Variants in ABHD5 observed in about 807,000 individuals in gnomAD.
ABHD5 encodes the protein 1-acylglycerol-3-phosphate O-acyltransferase ABHD5.
In ABHD5, 30 loss-of-function variants were observed where a neutral mutation model predicts 44.9. The observed-to-expected ratio is 0.67, with a 90% confidence interval of 0.50 to 0.91. The LOEUF is 0.91. Ranked by LOEUF, ABHD5 falls within the 40% of genes least tolerant of loss-of-function variation. ABHD5 has a pLI of 0.00. For synonymous variants in ABHD5, 167 were observed against 147.0 expected, an observed-to-expected ratio of 1.14 and a Z score of -0.99; for missense variants, 399 against 423.4, an observed-to-expected ratio of 0.94 and a Z score of 0.50.
chr3:43,696,893 A>G (rs960951172), intron 1 of ABHD5, among the ~76,000 whole-genome samples: 19 of 152,040 alleles, frequency 1.2e-4, no homozygotes, highest in Admixed American at 1.2e-3. Context: ...TTCTGTTAGA[A>G]AAAAACCCAC....
At chr3:43,709,512 A>AGAGCAGACT (rs145305972) in intron 3 of ABHD5, among the ~76,000 whole-genome samples, 13,022 of 152,272 alleles carry the variant, frequency 0.086, 758 homozygotes, top group South Asian at 0.21. Flanking sequence ...GAAAGAGCTT[A>AGAGCAGACT]GAGCAAGATC....
At chr3:43,703,385 G>T (rs1045992342) in intron 3 of ABHD5, among the ~76,000 whole-genome samples, 23 of 152,038 alleles carry the variant, frequency 1.5e-4, no homozygotes, top group African/African-American at 4.8e-4. Flanking sequence ...CGCCATGTTC[G>T]CCAGGCTGGT....
At chr3:43,693,266 C>T (rs1254746638) in intron 1 of ABHD5, among the ~76,000 whole-genome samples, 2 of 152,150 alleles carry the variant, frequency 1.3e-5, no homozygotes, top group African/African-American at 2.4e-5. Context: ...AGGAATTTTG[C>T]CAACGGTTGG....
In ABHD5 at chr3:43,690,942, G is replaced by C. The variant is rs1399819007; in HGVS notation, c.-51G>C. ...CGCGCCAGCCCGGGGCGGCCCAGTC[G>C]GCCTGTCAGCCGGCTTCGAGATAAG... On this transcript the variant is annotated 5_prime_UTR_variant, in exon 1 of 7. Coordinates refer to ENST00000644371, the MANE Select transcript of ABHD5 (RefSeq NM_016006.6). 1 of 1,539,674 alleles carries C rather than the reference G, an allele frequency of 6.5e-7. No individual in the cohort carries two copies. The highest frequency in any genetic ancestry group is 1.2e-5 in the South Asian group (1 of 83,884).
chr3:43,718,409 C>T (rs750120544), intron 6 of ABHD5, 34 bp from the exon 7 acceptor site: 4 of 1,554,062 alleles, frequency 2.6e-6, no homozygotes, highest in East Asian at 2.2e-5. Context: ...AATGCTTTTA[C>T]TCACTAACTG....
intron 1 of ABHD5, 75 bp from the exon 2 acceptor site, chr3:43,699,201 T>G (rs985044738): frequency 3.1e-6 from 4 of 1,308,166 alleles, no homozygotes; most frequent in Non-Finnish European, 4.4e-6. Flanking sequence ...GCTGCCTTTC[T>G]TCTGTGCATG....
intron 3 of ABHD5, among the ~76,000 whole-genome samples, chr3:43,708,129 A>G (rs1290885476): frequency 6.6e-6 from 1 of 152,222 alleles, no homozygotes; most frequent in African/African-American, 2.4e-5. Flanking sequence ...CTAATGACTA[A>G]CATTAAGAAG....
In ABHD5 at chr3:43,720,529, A is replaced by G. The variant is rs1046062726; in HGVS notation, c.*1997A>G. ...GTTAGATTTTACCCTGAGGTATAGT[A>G]TATGTAATTTTGTGAAGATTGAGCT... On this transcript the variant is annotated 3_prime_UTR_variant, in exon 7 of 7. Coordinates refer to ENST00000644371, the MANE Select transcript of ABHD5 (RefSeq NM_016006.6). 1.3e-5 allele frequency: 2 copies of G among 152,342 alleles called. No homozygotes were observed. The highest frequency in any genetic ancestry group is 3.9e-4 in the East Asian group (2 of 5,190). The allele number at this position is 152,342 out of a possible 1,614,324, so 9.4% of individuals were successfully genotyped here.
intron 1 of ABHD5, among the ~76,000 whole-genome samples, chr3:43,692,136 C>T (rs765255076): frequency 1.3e-5 from 2 of 152,036 alleles, no homozygotes; most frequent in Non-Finnish European, 2.9e-5. Flanking sequence ...CTACTTCAGA[C>T]GTCTGGAGAA....
rs1575604793 is a variant in ABHD5 at position 43,711,993 on chromosome 3, A to G, written c.661+130A>G. ...CCCTTACTTTTTCTCCTCTTCCTCTAATAAGTACCATGTCTTGCACAAAGA... is the reference window on the plus strand; with the variant it reads ...CCCTTACTTTTTCTCCTCTTCCTCTGATAAGTACCATGTCTTGCACAAAGA... On this transcript the variant is annotated intron_variant, in intron 4 of 6. Transcript: ENST00000644371. 4 of 1,167,886 alleles carry G rather than the reference A, an allele frequency of 3.4e-6. 1 individual carries two copies. The highest frequency in any genetic ancestry group is 2.5e-5 in the South Asian group (2 of 80,128). The allele number at this position is 1,167,886 out of a possible 1,614,324, so 72.3% of individuals were successfully genotyped here. A position where few individuals can be genotyped will look rare whatever the true frequency, so the allele number is the denominator to read the frequency against.
At chr3:43,712,908 G>A (rs1187061945) in intron 4 of ABHD5, among the ~76,000 whole-genome samples, 3 of 152,128 alleles carry the variant, frequency 2.0e-5, no homozygotes, top group South Asian at 2.1e-4. Context: ...CTTATGACTC[G>A]GCCCACTCCT....
intron 1 of ABHD5, 30 bp downstream of exon 1, chr3:43,691,069 G>C (rs372983058): frequency 1.6e-5 from 25 of 1,526,122 alleles, no homozygotes; most frequent in Non-Finnish European, 2.1e-5. Context: ...GGCTTCGTGT[G>C]TCTCCGGCGC....
chr3:43,707,337 A>G (rs1262036347), intron 3 of ABHD5, among the ~76,000 whole-genome samples: 3 of 152,250 alleles, frequency 2.0e-5, no homozygotes, highest in Admixed American at 6.5e-5. Context: ...TATCTTGAAT[A>G]CTTTTCTTTT....
chr3:43,723,202 A>G (rs2084855316), downstream of ABHD5, among the ~76,000 whole-genome samples: 2 of 152,236 alleles, frequency 1.3e-5, no homozygotes, highest in African/African-American at 4.8e-5. Flanking sequence ...GCTATTTTAA[A>G]AACTCATTGG....
At chr3:43,697,964 C>T (rs747081670) in intron 1 of ABHD5, among the ~76,000 whole-genome samples, 10 of 152,088 alleles carry the variant, frequency 6.6e-5, no homozygotes, top group Non-Finnish European at 1.5e-4. Flanking sequence ...ACTGAGAATC[C>T]CCTGGATTGT....
At position 43,719,620 on chromosome 3, in the gene ABHD5, C is replaced by T. The variant is rs1260956547; in HGVS notation, c.*1088C>T. The T allele has an allele frequency of 3.3e-5, 5 of 152,062 alleles. No homozygotes were observed. Among genetic ancestry groups the T allele is most frequent in the African/African-American group, 1.2e-4 (5 of 41,410 alleles). The allele number at this position is 152,062 out of a possible 1,614,324, so 9.4% of individuals were successfully genotyped here. ...TCATTACATACTTGAAGTTATATTACAAAAATTCTAGAAGGTTGATTGAAC... is the reference window on the plus strand; with the variant it reads ...TCATTACATACTTGAAGTTATATTATAAAAATTCTAGAAGGTTGATTGAAC... On this transcript the variant is annotated 3_prime_UTR_variant, in exon 7 of 7. Coordinates refer to ENST00000644371, the MANE Select transcript of ABHD5 (RefSeq NM_016006.6).
intron 7 of ABHD5, among the ~76,000 whole-genome samples, chr3:43,730,707 A>G (rs993423880): frequency 2.0e-5 from 3 of 151,930 alleles, no homozygotes; most frequent in African/African-American, 7.3e-5. Flanking sequence ...AAGTCTTGCT[A>G]TTTTACCCAG....
chr3:43,697,130 A>AGGCAT (rs1221386535), intron 1 of ABHD5, among the ~76,000 whole-genome samples: 1 of 152,208 alleles, frequency 6.6e-6, no homozygotes, highest in East Asian at 1.9e-4. Context: ...TGGTGGAGGT[A>AGGCAT]GGCATGATTC....
At position 43,722,181 on chromosome 3, in the gene ABHD5, A is replaced by G. The variant is rs960392745; in HGVS notation, c.*3649A>G. On this transcript the variant is annotated 3_prime_UTR_variant, in exon 7 of 7. Transcript: ENST00000644371. ...ATAGCTACAGACTGGAAGCCAGCCA[A>G]ATCTCCATTGATAGGGAATTGATGG... 1 of 152,258 alleles carries G rather than the reference A, an allele frequency of 6.6e-6. No homozygotes were observed. The highest frequency in any genetic ancestry group is 1.5e-5 in the Non-Finnish European group (1 of 68,050). 9.4% of individuals were successfully genotyped at this position (152,258 alleles called of 1,614,324 possible).
Sources: gnomAD v4.1 joint callset for allele counts (sites outside exome capture counted in the v4.1 genomes callset) on GRCh38, gnomAD v4.1.1 for gene constraint, MANE v1.5 for transcripts, NCBI Gene and HGNC (gene_info 2026-07-23, HGNC 2026-07-21) for gene names.